PAQR5: variants seen among roughly 807,000 people sequenced by gnomAD.
PAQR5 encodes membrane progestin receptor gamma.
Under a neutral mutation model 34.5 loss-of-function variants are expected in PAQR5, and 20 were observed. The observed-to-expected ratio is 0.58, with a 90% CI of 0.41 to 0.84. The LOEUF (loss-of-function observed/expected upper bound fraction) is 0.84, where lower values mean the gene tolerates loss of function less well. PAQR5 is among the 40% of genes least tolerant of loss of function. The pLI, the probability that PAQR5 is intolerant of heterozygous loss-of-function variation, is 0.00. For synonymous variants in PAQR5, 131 were observed against 155.6 expected (o/e 0.84, Z 1.18); for missense variants, 378 against 412.7 (o/e 0.92, Z 0.73).
rs1390581566 is a variant in PAQR5, at chr15:69,384,794, C to T, written c.297C>T (p.Ser99=). The T allele has an allele frequency of 2.5e-6, 4 of 1,614,042 alleles. No homozygotes were observed. Among genetic ancestry groups the T allele is most frequent in the South Asian group, 1.1e-5 (1 of 91,084 alleles). ...CTSCVYPLVS[S]CAHTFSSMSK... is the part of the protein sequence containing the mutation. ...GCTGCGTGTACCCACTTGTGTCCAG[C>T]TGTGCGCACACCTTCAGCTCTATGT... The change falls in exon 5 of 9, where the codon AGC becomes AGT. Residue 99 remains serine, a synonymous_variant. Coordinates refer to ENST00000395407, the MANE Select transcript of PAQR5 (RefSeq NM_017705.4).
chr15:69,395,195 G>A (rs1469745652), intron 6 of PAQR5, among the ~76,000 whole-genome samples: 1 of 152,216 alleles, frequency 6.6e-6, no homozygotes, highest in African/African-American at 2.4e-5. Flanking sequence ...AGGCCGGTGA[G>A]GCAGATACCT....
At chr15:69,362,746 C>T (rs1453281517) in intron 3 of PAQR5, among the ~76,000 whole-genome samples, 10 of 152,130 alleles carry the variant, frequency 6.6e-5, no homozygotes, top group Non-Finnish European at 8.8e-5. Flanking sequence ...GCATTCTCTC[C>T]TAGGCTCTTT....
At chr15:69,383,304 C>G (rs1165997730) in intron 4 of PAQR5, among the ~76,000 whole-genome samples, 17 of 140,976 alleles carry the variant, frequency 1.2e-4, no homozygotes, top group African/African-American at 4.3e-4. Context: ...AGCGGGCCCT[C>G]CGTGCTCATG....
chr15:69,398,683 C>T (rs558074855), intron 7 of PAQR5, among the ~76,000 whole-genome samples: 1 of 152,316 alleles, frequency 6.6e-6, no homozygotes, highest in Admixed American at 6.5e-5. Context: ...GGCTGCAGCC[C>T]GTTCCCCTCA....
intron 4 of PAQR5, among the ~76,000 whole-genome samples, chr15:69,381,198 G>C (rs1245685040): frequency 6.6e-6 from 1 of 152,228 alleles, no homozygotes; most frequent in African/African-American, 2.4e-5. Context: ...GAAGGGAATA[G>C]AGTCAGGCTC....
intron 4 of PAQR5, 27 bp from the exon 5 acceptor site, chr15:69,384,650 A>G (rs1326823774): frequency 6.4e-7 from 1 of 1,552,332 alleles, no homozygotes; most frequent in Admixed American, 1.7e-5. Context: ...TTCATGGTGG[A>G]GGGTGAGTGA....
rs906105637 is a variant in PAQR5, at chr15:69,403,888, C to T, written c.*66C>T. The T allele has an allele frequency of 2.1e-5, 32 of 1,554,606 alleles. No individual in the cohort carries two copies. The highest frequency in any genetic ancestry group is 1.4e-4 in the African/African-American group (10 of 73,332). ...CTGCAACATCCTAACCACCATAAGC[C>T]GGAGGTGGTTACAGCTTATCATGGC... is the stretch of plus-strand genomic sequence containing the variant. On this transcript the variant is annotated 3_prime_UTR_variant, in exon 9 of 9. Transcript: ENST00000395407.
At chr15:69,399,616 T>C (rs1325857516) in intron 7 of PAQR5, among the ~76,000 whole-genome samples, 1 of 152,150 alleles carries the variant, frequency 6.6e-6, no homozygotes, top group African/African-American at 2.4e-5. Flanking sequence ...AATTATCTAA[T>C]AGGATTTTTT....
intron 8 of PAQR5, among the ~76,000 whole-genome samples, chr15:69,401,414 A>G (rs2056622505): frequency 6.6e-6 from 1 of 152,240 alleles, no homozygotes; most frequent in Non-Finnish European, 1.5e-5. Context: ...GGTTGTAACT[A>G]GTAAAATGCT....
At chr15:69,374,519 T>A (rs1325471558) in intron 3 of PAQR5, among the ~76,000 whole-genome samples, 2 of 151,990 alleles carry the variant, frequency 1.3e-5, no homozygotes, top group Non-Finnish European at 2.9e-5. Context: ...CTACTAAAAA[T>A]ACAAAAATTT....
chr15:69,340,895 T>C (rs953544786), intron 2 of PAQR5, among the ~76,000 whole-genome samples: 2 of 152,060 alleles, frequency 1.3e-5, no homozygotes, highest in African/African-American at 2.4e-5. Flanking sequence ...ATAATATGTA[T>C]TTTTTTTCTG....
chr15:69,396,657 G>A (rs531893513), intron 6 of PAQR5, among the ~76,000 whole-genome samples: 1 of 152,274 alleles, frequency 6.6e-6, no homozygotes, highest in East Asian at 1.9e-4. Context: ...TCAGGGCTGT[G>A]ATTTTGTGCA....
intron 1 of PAQR5, among the ~76,000 whole-genome samples, chr15:69,305,601 G>T (rs2053698168): frequency 1.3e-5 from 2 of 152,026 alleles, no homozygotes; most frequent in Admixed American, 1.3e-4. Context: ...GGGCAGCGTG[G>T]TGAGTAATCA....
intron 4 of PAQR5, among the ~76,000 whole-genome samples, chr15:69,382,133 G>C (rs1182560688): frequency 6.6e-6 from 1 of 152,136 alleles, no homozygotes; most frequent in African/African-American, 2.4e-5. Context: ...GGAGAAAATA[G>C]TTCTCTTGGC....
rs1297148805 is a variant in PAQR5 at position 69,406,573 on chromosome 15, A to T, written c.*2751A>T. 6.6e-6 allele frequency: 1 copy of T among 152,302 alleles called. No individual in the cohort carries two copies. The highest frequency in any genetic ancestry group is 1.5e-5 in the Non-Finnish European group (1 of 68,110). The allele number at this position is 152,302 out of a possible 1,614,324, so 9.4% of individuals were successfully genotyped here. On this transcript the variant is annotated 3_prime_UTR_variant, in exon 9 of 9. Transcript: ENST00000395407. The stretch of plus-strand genomic sequence containing the variant: ...CTTAAAACAAAGAAAGAACGAATGA[A>T]TGAATGAATCTGTGGCTGGATGCAG...
intron 2 of PAQR5, among the ~76,000 whole-genome samples, chr15:69,358,852 C>T (rs1302639603): frequency 6.6e-6 from 1 of 152,024 alleles, no homozygotes; most frequent in Non-Finnish European, 1.5e-5. Flanking sequence ...TGGGGCTCAA[C>T]TGATCGTCCC....
chr15:69,373,118 C>A (rs1388361133), intron 3 of PAQR5, among the ~76,000 whole-genome samples: 3 of 152,146 alleles, frequency 2.0e-5, no homozygotes, highest in Admixed American at 1.3e-4. Context: ...TCCATAGTCA[C>A]TTTTTCCTCT....
Position 69,352,809 on chromosome 15 carries a change from G to T in PAQR5, c.-115-7157G>T, listed in dbSNP as rs539958417. Among the ~76,000 whole-genome samples, 4 of 152,330 alleles carry T rather than the reference G, an allele frequency of 2.6e-5. No homozygotes were observed. In the East Asian group the frequency reaches 7.7e-4, roughly 29 times the overall value. Reference sequence around the variant, plus strand: ...CTGTAGCCAATGGTTTGGCTGGATGGTCAGGAATATGGAAGAAACATGACT... The same window carrying T: ...CTGTAGCCAATGGTTTGGCTGGATGTTCAGGAATATGGAAGAAACATGACT... On this transcript the variant is annotated intron_variant, in intron 2 of 8. Transcript: ENST00000395407.
intron 3 of PAQR5, among the ~76,000 whole-genome samples, chr15:69,375,592 G>C (rs1388834893): frequency 6.6e-6 from 1 of 152,182 alleles, no homozygotes; most frequent in African/African-American, 2.4e-5. Context: ...TCCCCAGGCG[G>C]AGCAATGAAG....
Sources: allele counts gnomAD v4.1 joint callset (sites outside exome capture counted in the v4.1 genomes callset), GRCh38; gene constraint gnomAD v4.1.1; transcripts MANE v1.5; gene names NCBI Gene and HGNC (gene_info 2026-07-23, HGNC 2026-07-21).